The following DPYD variants were observed in gnomAD, a reference collection of about 807,000 sequenced individuals.
DPYD encodes the protein dihydropyrimidine dehydrogenase, also known as dihydropyrimidine dehydrogenase [NADP(+)].
Under a neutral mutation model 116.2 loss-of-function variants are expected in DPYD, and 109 were observed. The observed-to-expected ratio is 0.94, with a 90% CI of 0.80 to 1.10. The LOEUF (loss-of-function observed/expected upper bound fraction) is 1.10, where lower values mean the gene tolerates loss of function less well. Among genes scored for constraint, DPYD ranks in the 50% least tolerant of loss-of-function variants. The pLI is 0.00. For synonymous variants in DPYD, 440 were observed against 432.0 expected (o/e 1.02, Z -0.23); for missense variants, 1,302 against 1,254.5 (o/e 1.04, Z -0.57).
intron 14 of DPYD, among the ~76,000 whole-genome samples, chr1:97,440,232 C>T (rs1675696707): frequency 6.6e-6 from 1 of 150,668 alleles, no homozygotes; most frequent in Non-Finnish European, 1.5e-5. Context: ...CCATTGCACT[C>T]CAGTCTGGGC....
intron 20 of DPYD, among the ~76,000 whole-genome samples, chr1:97,118,443 A>T (rs1326202599): frequency 6.6e-6 from 1 of 152,170 alleles, no homozygotes; most frequent in Non-Finnish European, 1.5e-5. Flanking sequence ...AAAGCCATTT[A>T]AAAACACACA....
chr1:97,703,913 T>C (rs1272560060), intron 5 of DPYD, among the ~76,000 whole-genome samples: 3 of 152,042 alleles, frequency 2.0e-5, no homozygotes, highest in African/African-American at 7.2e-5. Flanking sequence ...GTTTACAAAA[T>C]TCCTAAAAAT....
At chr1:97,722,292 G>C (rs1396288050) in intron 4 of DPYD, among the ~76,000 whole-genome samples, 1 of 151,398 alleles carries the variant, frequency 6.6e-6, no homozygotes, top group East Asian at 1.9e-4. Context: ...TAACAGACAA[G>C]AGAAGCCTAA....
chr1:97,342,590 T>G (rs183240087), intron 16 of DPYD, among the ~76,000 whole-genome samples: 174 of 152,280 alleles, frequency 1.1e-3, no homozygotes, highest in Middle Eastern at 3.4e-3. Context: ...ATCAAAGTCA[T>G]GTATGGAAAC....
chr1:97,175,995 T>G (rs141891913), intron 20 of DPYD, among the ~76,000 whole-genome samples: 286 of 152,302 alleles, frequency 1.9e-3, no homozygotes, highest in African/African-American at 6.2e-3. Flanking sequence ...GACTTTTAGC[T>G]CATTATAGCT....
chr1:97,083,279 T>C (rs1649292991), intron 21 of DPYD, among the ~76,000 whole-genome samples: 1 of 152,146 alleles, frequency 6.6e-6, no homozygotes, highest in Non-Finnish European at 1.5e-5. Flanking sequence ...ATTTTTGCTT[T>C]TGTTTTTAAC....
chr1:97,333,225 T>C (rs1464422841), intron 16 of DPYD, among the ~76,000 whole-genome samples: 1 of 150,860 alleles, frequency 6.6e-6, no homozygotes, highest in Non-Finnish European at 1.5e-5. Context: ...GCCTGGCTAA[T>C]TTTTTGTATT....
At chr1:97,121,632 C>T (rs567684437) in intron 20 of DPYD, among the ~76,000 whole-genome samples, 13 of 152,218 alleles carry the variant, frequency 8.5e-5, no homozygotes, top group Admixed American at 8.5e-4. Flanking sequence ...AAGAAAACCA[C>T]CTCTTGCTTT....
intron 18 of DPYD, among the ~76,000 whole-genome samples, chr1:97,278,301 C>G (rs1665087813): frequency 6.6e-6 from 1 of 152,080 alleles, no homozygotes; most frequent in South Asian, 2.1e-4. Flanking sequence ...AAGTAATGCG[C>G]CAGTCTATAA....
intron 1 of DPYD, among the ~76,000 whole-genome samples, chr1:97,913,169 G>A (rs1483019409): frequency 2.6e-5 from 4 of 152,030 alleles, no homozygotes; most frequent in African/African-American, 7.2e-5. Context: ...ATTCTCAGGC[G>A]AAATTTAGAT....
At chr1:97,569,498 G>A (rs544382727) in intron 11 of DPYD, among the ~76,000 whole-genome samples, 45 of 148,876 alleles carry the variant, frequency 3.0e-4, no homozygotes, top group African/African-American at 7.1e-4. Flanking sequence ...TTAAATAAAC[G>A]TTTAGAACTT....
intron 4 of DPYD, among the ~76,000 whole-genome samples, chr1:97,730,527 T>TTA (rs1307245188): frequency 6.6e-6 from 1 of 152,056 alleles, no homozygotes; most frequent in African/African-American, 2.4e-5. Flanking sequence ...CCTGGCCTAC[T>TTA]TATCCTTTAA....
In DPYD at chr1:97,100,533, G is replaced by T. The variant is rs192913140; in HGVS notation, c.2623-1901C>A. On this transcript the variant is annotated intron_variant, in intron 20 of 22. Transcript: ENST00000370192. ...CAGGTTAGCAGGCTCCATGAAAATC[G>T]GAACCATTATTTTCCCTGTTGGGGT... is the stretch of plus-strand genomic sequence containing the variant. Among the ~76,000 whole-genome samples, 287 of 152,068 alleles carry T rather than the reference G, an allele frequency of 1.9e-3. 1 individual carries two copies. The highest frequency in any genetic ancestry group is 3.4e-3 in the Non-Finnish European group (228 of 67,948).
At chr1:97,252,140 A>C (rs1172888618) in intron 18 of DPYD, among the ~76,000 whole-genome samples, 1 of 151,930 alleles carries the variant, frequency 6.6e-6, no homozygotes, top group Non-Finnish European at 1.5e-5. Flanking sequence ...TTTGTAATGA[A>C]GTATCCTTTC....
intron 3 of DPYD, among the ~76,000 whole-genome samples, chr1:97,745,190 T>C (rs1424273541): frequency 6.6e-6 from 1 of 152,078 alleles, no homozygotes; most frequent in Non-Finnish European, 1.5e-5. Flanking sequence ...TTCTTAAATA[T>C]GCATCTTGGC....
chr1:97,222,793 A>G (rs752977517), intron 19 of DPYD, among the ~76,000 whole-genome samples: 1 of 152,134 alleles, frequency 6.6e-6, no homozygotes, highest in Non-Finnish European at 1.5e-5. Flanking sequence ...AAGAAATTGC[A>G]TAATGGAAAG....
intron 20 of DPYD, among the ~76,000 whole-genome samples, chr1:97,143,114 T>C (rs764482388): frequency 3.3e-5 from 5 of 152,026 alleles, no homozygotes; most frequent in Non-Finnish European, 5.9e-5. Flanking sequence ...TATTTAGATA[T>C]AGCAAGGTTT....
At chr1:97,674,554 A>G (rs1342257295) in intron 8 of DPYD, among the ~76,000 whole-genome samples, 1 of 152,122 alleles carries the variant, frequency 6.6e-6, no homozygotes, top group African/African-American at 2.4e-5. Context: ...GAAAGAGAAA[A>G]ATAAATGGGC....
chr1:97,552,693 T>C (rs1651411105), intron 11 of DPYD, among the ~76,000 whole-genome samples: 1 of 152,100 alleles, frequency 6.6e-6, no homozygotes, highest in African/African-American at 2.4e-5. Context: ...TTATCATTTG[T>C]AATATCCAGC....
Sources: gnomAD v4.1 joint callset for allele counts (sites outside exome capture counted in the v4.1 genomes callset) on GRCh38, gnomAD v4.1.1 for gene constraint, MANE v1.5 for transcripts, NCBI Gene and HGNC (gene_info 2026-07-23, HGNC 2026-07-21) for gene names.